The following STK36 variants were observed in gnomAD, a reference collection of about 807,000 sequenced individuals.
The protein encoded by STK36 is serine/threonine-protein kinase 36.
Under a neutral mutation model 142.2 loss-of-function variants are expected in STK36, and 116 were observed. The observed-to-expected ratio is 0.82, with a 90% CI of 0.70 to 0.95. The LOEUF is 0.95. Among genes scored for constraint, STK36 ranks in the 40% least tolerant of loss-of-function variants. The pLI, the probability that STK36 is intolerant of heterozygous loss-of-function variation, is 0.00. For missense variants in STK36, 1,422 were observed against 1,617.2 expected (o/e 0.88, Z 2.07); for synonymous variants, 619 against 641.7 (o/e 0.96, Z 0.53).
Position 218,676,212 on chromosome 2 carries a change from TCAG to T in STK36, c.620_622del (p.Gln207del). The T allele has an allele frequency of 6.2e-7, 1 of 1,614,218 alleles. No homozygotes were observed. The highest frequency in any genetic ancestry group is 1.7e-5 in the Admixed American group (1 of 60,018). ...CTCCCTTCTATGCTACAAGCATCTT[TCAG>T]CTGGTCAGCCTCATTCTCAAGGACC... On this transcript the variant is annotated inframe_deletion, in exon 6 of 27. Transcript: ENST00000295709.
chr2:218,696,494 G>A, intron 21 of STK36, 33 bp from the exon 22 acceptor site: 1 of 1,603,184 alleles, frequency 6.2e-7, no homozygotes, highest in Non-Finnish European at 8.5e-7. Flanking sequence ...ATTCCTCTTA[G>A]GCACCTGCAT....
Position 218,697,621 on chromosome 2 carries a change from G to A in STK36, c.2909+11G>A, listed in dbSNP as rs1418554660. 2 of 1,613,914 alleles carry A rather than the reference G, an allele frequency of 1.2e-6. No homozygotes were observed. The highest frequency in any genetic ancestry group is 2.2e-5 in the East Asian group (1 of 44,884). ...TCAACTGCGCCAGGCGTGAGTTTGA[G>A]CTAGAAGAGAGCCACAGAGTCAGCA... On this transcript the variant is annotated intron_variant, in intron 24 of 26. Transcript: ENST00000295709.
chr2:218,696,780 T>C lies in STK36; in HGVS notation c.2586+179T>C. 4.4e-6 allele frequency: 4 copies of C among 903,882 alleles called. 1 individual carries two copies. The South Asian group carries it at 5.2e-5, about 12-fold the overall frequency. The allele number at this position is 903,882 out of a possible 1,614,324, so 56.0% of individuals were successfully genotyped here. A position where few individuals can be genotyped will look rare whatever the true frequency, so the allele number is the denominator to read the frequency against. ...AGTACTGACCCTTTGAAGGAAACCA[T>C]TCGCTGCGTCCCCTGGGATCCAGTG... On this transcript the variant is annotated intron_variant, in intron 22 of 26. Coordinates refer to ENST00000295709, the MANE Select transcript of STK36 (RefSeq NM_015690.5).
intron 4 of STK36, 34 bp from the exon 5 acceptor site, chr2:218,675,309 T>C (rs1002069970): frequency 4.4e-6 from 7 of 1,580,274 alleles, no homozygotes; most frequent in South Asian, 3.5e-5. Context: ...GTTTCTAACC[T>C]TTTTTTTCTT....
intron 14 of STK36, 125 bp downstream of exon 14, chr2:218,690,680 C>A: frequency 1.3e-6 from 1 of 763,518 alleles, no homozygotes; most frequent in Non-Finnish European, 2.2e-6. Context: ...AAATTCCCAC[C>A]ATGCCATATG....
In STK36 at chr2:218,702,195, T is replaced by A; in HGVS notation, c.*186T>A. On this transcript the variant is annotated 3_prime_UTR_variant, in exon 27 of 27. Transcript: ENST00000295709. ...TCTTCCTTCTCCCAGATGCAGGATG[T>A]TTTCAACCAGTAAATTTTATTGCTG... 3.0e-6 allele frequency: 2 copies of A among 669,916 alleles called. No homozygotes were observed. Among genetic ancestry groups the A allele is most frequent in the Non-Finnish European group, 4.5e-6 (2 of 441,604 alleles). 41.5% of individuals were successfully genotyped at this position (669,916 alleles called of 1,614,324 possible).
rs780759599 is a variant in STK36, at chr2:218,697,499, T to C, written c.2798T>C (p.Phe933Ser). 9.9e-6 allele frequency: 16 copies of C among 1,614,208 alleles called. No homozygotes were observed. Among genetic ancestry groups the C allele is most frequent in the Middle Eastern group, 1.6e-4 (1 of 6,062 alleles). The change falls in exon 24 of 27, where the codon TTT becomes TCT. Residue 933 changes from phenylalanine to serine, a missense_variant. By Grantham distance (155) the Phe-to-Ser change is radical. Transcript: ENST00000295709. ...AALLSLAMAT[F>S]TQEPQLCLSC... ...CTGCTGAGCCTGGCCATGGCCACCT[T>C]TACCCAGGAGCCCCAGTTATGCCTG...
intron 11 of STK36, among the ~76,000 whole-genome samples, chr2:218,685,826 C>T (rs914967735): frequency 5.3e-5 from 8 of 152,176 alleles, no homozygotes; most frequent in Non-Finnish European, 1.0e-4. Context: ...ATAAGATTTA[C>T]ACTTTTTTGA....
chr2:218,699,285 A>G lies in STK36; in HGVS notation c.3741A>G (p.Pro1247=), dbSNP rs756848717. 6.2e-7 allele frequency: 1 copy of G among 1,614,078 alleles called. No individual in the cohort carries two copies. The highest frequency in any genetic ancestry group is 1.1e-5 in the South Asian group (1 of 91,080). ...LLEMACGDPQ[P]NVKEAALIAL... ...AAATGGCATGTGGAGACCCCCAGCC[A>G]AATGTGAAGGAGGCTGCCCTCATTG... Residue 1247 remains proline (P), a synonymous_variant, in exon 26 of 27, where the codon CCA becomes CCG. Transcript: ENST00000295709.
intron 10 of STK36, among the ~76,000 whole-genome samples, chr2:218,682,840 G>A (rs946248560): frequency 2.0e-5 from 3 of 152,098 alleles, no homozygotes; most frequent in Non-Finnish European, 4.4e-5. Context: ...TGGTCTGCCC[G>A]CGTCAGCCTC....
intron 26 of STK36, among the ~76,000 whole-genome samples, chr2:218,701,011 C>CAAAAAAAAAAAA (rs11301260): frequency 3.7e-5 from 3 of 80,294 alleles, no homozygotes; most frequent in Non-Finnish European, 8.4e-5. Flanking sequence ...GACTCTGTCT[C>CAAAAAAAAAAAA]AAAAAAAAAA....
At chr2:218,682,453 A>G (rs533597219) in intron 10 of STK36, among the ~76,000 whole-genome samples, 5 of 152,304 alleles carry the variant, frequency 3.3e-5, no homozygotes, top group Non-Finnish European at 7.4e-5. Context: ...GAAATTTAAC[A>G]TTGATATAAT....
At chr2:218,681,088 TG>T (rs1363770404) in intron 10 of STK36, among the ~76,000 whole-genome samples, 4 of 152,076 alleles carry the variant, frequency 2.6e-5, no homozygotes, top group African/African-American at 9.7e-5. Context: ...CTGTATAATC[TG>T]GGATCTTTCT....
intron 5 of STK36, 113 bp from the exon 6 acceptor site, chr2:218,675,916 C>A: frequency 7.2e-7 from 1 of 1,388,450 alleles, no homozygotes; most frequent in Non-Finnish European, 9.9e-7. Flanking sequence ...TCTTCTGGAA[C>A]CTAATCAAAG....
chr2:218,699,684 AT>A (rs36019415), intron 26 of STK36, among the ~76,000 whole-genome samples: 10,047 of 149,380 alleles, frequency 0.067, 404 homozygotes, highest in African/African-American at 0.11. Flanking sequence ...GGTGCTGACT[AT>A]TTTTTTTTTA....
At chr2:218,689,717 T>C in intron 12 of STK36, 142 bp from the exon 13 acceptor site, 1 of 667,468 alleles carries the variant, frequency 1.5e-6, no homozygotes, top group East Asian at 2.8e-5. Flanking sequence ...CCCCTAGAAC[T>C]CTCTCTCTGC....
intron 11 of STK36, chr2:218,688,400 T>C (rs779075957): frequency 1.8e-6 from 1 of 555,434 alleles, no homozygotes; most frequent in East Asian, 4.4e-5. Flanking sequence ...GGTGAAGGGC[T>C]GGAGAAGGGA....
chr2:218,701,664 A>G (rs773748024), intron 26 of STK36, among the ~76,000 whole-genome samples: 16 of 152,188 alleles, frequency 1.1e-4, no homozygotes, highest in Non-Finnish European at 2.2e-4. Context: ...GAATGGAAGT[A>G]GACTTCTGGT....
At chr2:218,680,781 A>G in intron 10 of STK36, 79 bp downstream of exon 10, 1 of 1,249,056 alleles carries the variant, frequency 8.0e-7, no homozygotes, top group Non-Finnish European at 1.1e-6. Context: ...TAGAACAGTG[A>G]TTCCCAACTC....
Sources: allele counts gnomAD v4.1 joint callset (sites outside exome capture counted in the v4.1 genomes callset), GRCh38; gene constraint gnomAD v4.1.1; transcripts MANE v1.5; gene names NCBI Gene and HGNC (gene_info 2026-07-23, HGNC 2026-07-21).